The following HS3ST4 variants were observed in gnomAD, a reference collection of about 807,000 sequenced individuals.
HS3ST4 encodes the protein heparan sulfate-glucosamine 3-sulfotransferase 4, also known as heparan sulfate glucosamine 3-O-sulfotransferase 4.
Under a neutral mutation model 29.2 loss-of-function variants are expected in HS3ST4, and 17 were observed. That is an observed-to-expected ratio of 0.58 (90% CI 0.40 to 0.87). The LOEUF (loss-of-function observed/expected upper bound fraction) is 0.87, where lower values mean the gene tolerates loss of function less well. Among genes scored for constraint, HS3ST4 ranks in the 40% least tolerant of loss-of-function variants. The pLI, the probability that HS3ST4 is intolerant of heterozygous loss-of-function variation, is 0.00. For synonymous variants in HS3ST4, 314 were observed against 285.7 expected, an observed-to-expected ratio of 1.10 and a Z score of -1.00; for missense variants, 627 against 634.5, an observed-to-expected ratio of 0.99 and a Z score of 0.13.
chr16:25,933,463 A>G, intron 1 of HS3ST4: 1 of 487,746 alleles, frequency 2.1e-6, no homozygotes. Flanking sequence ...GATTTCCACC[A>G]TTTCTTAGAG....
At chr16:26,128,243 C>T (rs1899371779) in intron 1 of HS3ST4, among the ~76,000 whole-genome samples, 1 of 152,160 alleles carries the variant, frequency 6.6e-6, no homozygotes, top group Admixed American at 6.5e-5. Context: ...ACAGACCTTT[C>T]CTCCAAAAAC....
chr16:26,006,284 G>A (rs1267130874), intron 1 of HS3ST4, among the ~76,000 whole-genome samples: 1 of 112,278 alleles, frequency 8.9e-6, no homozygotes, highest in Non-Finnish European at 1.7e-5. Context: ...AGGTGACAAA[G>A]TGAGACTCTG....
chr16:25,912,765 C>T lies in HS3ST4; in HGVS notation c.734+219614C>T, dbSNP rs538551475. Among the ~76,000 whole-genome samples, 81 of 152,286 alleles carry T rather than the reference C, an allele frequency of 5.3e-4. 1 individual carries two copies. Among genetic ancestry groups the T allele is most frequent in the Admixed American group, 6.5e-4 (10 of 15,300 alleles). Reference sequence around the variant, plus strand: ...ACCCCTGTGGCTGGCCTGGAACCAACGCTGACCTTAACTGTCTGGAGAAGG... The same window carrying T: ...ACCCCTGTGGCTGGCCTGGAACCAATGCTGACCTTAACTGTCTGGAGAAGG... On this transcript the variant is annotated intron_variant, in intron 1 of 1. Transcript: ENST00000331351.
intron 1 of HS3ST4, among the ~76,000 whole-genome samples, chr16:25,999,428 T>G (rs1045848534): frequency 1.3e-5 from 2 of 152,156 alleles, no homozygotes; most frequent in African/African-American, 4.8e-5. Flanking sequence ...AATTTTGCTC[T>G]TCTTTTCTTG....
At chr16:26,007,088 T>C (rs1245697522) in intron 1 of HS3ST4, among the ~76,000 whole-genome samples, 3 of 152,224 alleles carry the variant, frequency 2.0e-5, no homozygotes, top group African/African-American at 7.2e-5. Flanking sequence ...GGAGATTTCA[T>C]ATGCTATGTG....
chr16:26,015,100 A>G (rs1969350985), intron 1 of HS3ST4, among the ~76,000 whole-genome samples: 1 of 152,220 alleles, frequency 6.6e-6, no homozygotes, highest in Non-Finnish European at 1.5e-5. Context: ...CTAGAGGTTA[A>G]GAATATAATC....
chr16:26,020,380 A>G (rs1418867084), intron 1 of HS3ST4, among the ~76,000 whole-genome samples: 1 of 152,180 alleles, frequency 6.6e-6, no homozygotes, highest in Non-Finnish European at 1.5e-5. Context: ...GCATTAGTAC[A>G]TTGTGTCTCC....
chr16:26,069,248 A>C (rs765571078), intron 1 of HS3ST4, among the ~76,000 whole-genome samples: 2 of 152,250 alleles, frequency 1.3e-5, no homozygotes, highest in Non-Finnish European at 2.9e-5. Flanking sequence ...CACTGCACCC[A>C]GCCCACATTC....
intron 1 of HS3ST4, among the ~76,000 whole-genome samples, chr16:25,818,586 G>A (rs1016707323): frequency 6.6e-6 from 1 of 152,178 alleles, no homozygotes; most frequent in Non-Finnish European, 1.5e-5. Context: ...TGGCCAAGGA[G>A]AGAACATACT....
Position 25,903,365 on chromosome 16 carries a change from T to TTA in HS3ST4, c.734+210231_734+210232dup, listed in dbSNP as rs34578455. ...TATTATATATATGTATATGTATATC[T>TTA]TATATATATATATATATAAAATCAC... On this transcript the variant is annotated intron_variant, in intron 1 of 1. Transcript: ENST00000331351. Among the ~76,000 whole-genome samples the TTA allele has an allele frequency of 1.9e-3, 253 of 130,446 alleles. 3 individuals carry two copies. Among genetic ancestry groups the TTA allele is most frequent in the East Asian group, 7.7e-3 (37 of 4,812 alleles). The allele number at this position is 130,446 out of a possible 152,430, so 85.6% of individuals were successfully genotyped here.
chr16:25,890,519 A>C (rs376108710), intron 1 of HS3ST4, among the ~76,000 whole-genome samples: 69 of 152,312 alleles, frequency 4.5e-4, no homozygotes, highest in Non-Finnish European at 8.2e-4. Flanking sequence ...GATGACATGA[A>C]TGTGTTTGCA....
Position 25,856,703 on chromosome 16 carries a change from T to C in HS3ST4, c.734+163552T>C, listed in dbSNP as rs777079737. Among the ~76,000 whole-genome samples the C allele has an allele frequency of 1.5e-4, 23 of 152,332 alleles. 1 individual carries two copies. In the Middle Eastern group the frequency reaches 0.01, roughly 68 times the overall value. ...TGTTTTAAGAATGTTTATGAATTTG[T>C]GTTGGGCTGCATTCAAAGCAGTCCT... On this transcript the variant is annotated intron_variant, in intron 1 of 1. Transcript: ENST00000331351.
At position 25,872,826 on chromosome 16, in the gene HS3ST4, T is replaced by A. The variant is rs959171379; in HGVS notation, c.734+179675T>A. ...GCATCTATAAGAGTAAGAGACATTG[T>A]GGTCATTTCTGCAACATACTACAAG... On this transcript the variant is annotated intron_variant, in intron 1 of 1. Coordinates refer to ENST00000331351, the MANE Select transcript of HS3ST4 (RefSeq NM_006040.3). Among the ~76,000 whole-genome samples the A allele has an allele frequency of 3.9e-5, 6 of 152,214 alleles. No individual in the cohort carries two copies. The East Asian group carries it at 1.2e-3, about 29-fold the overall frequency.
intron 1 of HS3ST4, among the ~76,000 whole-genome samples, chr16:25,868,594 T>C (rs954364228): frequency 6.6e-6 from 1 of 152,214 alleles, no homozygotes; most frequent in Admixed American, 6.5e-5. Flanking sequence ...AGACCTCCCT[T>C]TGCAAAGGTT....
At position 25,736,323 on chromosome 16, in the gene HS3ST4, G is replaced by A. The variant is rs561387832; in HGVS notation, c.734+43172G>A. 2.6e-5 allele frequency among the ~76,000 whole-genome samples: 4 copies of A among 152,300 alleles called. No individual in the cohort carries two copies. In the South Asian group the frequency reaches 6.2e-4, roughly 24 times the overall value. On this transcript the variant is annotated intron_variant, in intron 1 of 1. Transcript: ENST00000331351. ...CTACTGGATGTGGTTCATTTGAAGC[G>A]AGAAAACAAACCTTGCCATATGAAG... is the stretch of plus-strand genomic sequence containing the variant.
At chr16:25,732,845 G>A (rs1000293808) in intron 1 of HS3ST4, among the ~76,000 whole-genome samples, 9 of 152,244 alleles carry the variant, frequency 5.9e-5, no homozygotes, top group African/African-American at 1.4e-4. Context: ...CCAATCGGTC[G>A]CAATAGTTCC....
At chr16:26,104,852 G>A (rs1186336522) in intron 1 of HS3ST4, among the ~76,000 whole-genome samples, 1 of 150,082 alleles carries the variant, frequency 6.7e-6, no homozygotes, top group Non-Finnish European at 1.5e-5. Context: ...GCAGTCCTTG[G>A]ACTGGAGCAG....
At position 25,935,032 on chromosome 16, in the gene HS3ST4, C is replaced by T. The variant is rs72782578; in HGVS notation, c.735-200580C>T. ...TCTCATGATAGTGAATGAATTCTTA[C>T]GAGATCTGATAGTTTTATAAGTGTC... On this transcript the variant is annotated intron_variant, in intron 1 of 1. Coordinates refer to ENST00000331351, the MANE Select transcript of HS3ST4 (RefSeq NM_006040.3). Among the ~76,000 whole-genome samples the T allele has an allele frequency of 4.2e-3, 638 of 152,148 alleles. 2 individuals are homozygous for T. Among genetic ancestry groups the T allele is most frequent in the African/African-American group, 0.014 (600 of 41,500 alleles).
At chr16:26,095,754 A>G (rs1349430054) in intron 1 of HS3ST4, among the ~76,000 whole-genome samples, 3 of 152,238 alleles carry the variant, frequency 2.0e-5, no homozygotes, top group African/African-American at 7.2e-5. Flanking sequence ...GAAGGCAAGA[A>G]ATAACTAAGA....
Sources: allele counts gnomAD v4.1 joint callset (sites outside exome capture counted in the v4.1 genomes callset), GRCh38; gene constraint gnomAD v4.1.1; transcripts MANE v1.5; gene names NCBI Gene and HGNC (gene_info 2026-07-23, HGNC 2026-07-21).